L3MBTL3: variants seen among roughly 807,000 people sequenced by gnomAD.
L3MBTL3 encodes the protein L3MBTL histone methyl-lysine binding protein 3, also known as lethal(3)malignant brain tumor-like protein 3.
L3MBTL3 carries 27 observed loss-of-function variants against 102.3 expected under a neutral mutation model. The ratio of observed to expected loss-of-function variants is 0.26; its 90% CI spans 0.19 to 0.36. L3MBTL3 has a LOEUF of 0.36. Among genes scored for constraint, L3MBTL3 ranks in the 10% least tolerant of loss-of-function variants. The pLI is 1.00. For missense variants in L3MBTL3, 798 were observed against 955.3 expected, an observed-to-expected ratio of 0.84 and a Z score of 2.17; for synonymous variants, 340 against 320.9, an observed-to-expected ratio of 1.06 and a Z score of -0.64.
At chr6:130,047,639 G>A (rs907386410) in intron 3 of L3MBTL3, among the ~76,000 whole-genome samples, 2 of 152,142 alleles carry the variant, frequency 1.3e-5, no homozygotes, top group African/African-American at 4.8e-5. Flanking sequence ...ATTACCTGAA[G>A]TGCATTGTCA....
At chr6:130,134,764 A>T (rs957611136) in intron 22 of L3MBTL3, among the ~76,000 whole-genome samples, 1 of 152,178 alleles carries the variant, frequency 6.6e-6, no homozygotes, top group Non-Finnish European at 1.5e-5. Flanking sequence ...GTTTGCCCCT[A>T]TGTGTAAAGC....
At chr6:130,093,178 G>C (rs1469276261) in intron 17 of L3MBTL3, among the ~76,000 whole-genome samples, 13 of 152,096 alleles carry the variant, frequency 8.5e-5, no homozygotes, top group Admixed American at 8.5e-4. Context: ...TTAGTATTCT[G>C]ATAGTAATTT....
At chr6:130,118,591 G>A (rs1422712953) in intron 19 of L3MBTL3, among the ~76,000 whole-genome samples, 1 of 152,140 alleles carries the variant, frequency 6.6e-6, no homozygotes, top group Non-Finnish European at 1.5e-5. Context: ...GAAGGAATTT[G>A]CAGAATCAAT....
intron 19 of L3MBTL3, among the ~76,000 whole-genome samples, chr6:130,120,081 G>T (rs1242476780): frequency 1.3e-5 from 2 of 152,140 alleles, no homozygotes; most frequent in Non-Finnish European, 2.9e-5. Flanking sequence ...CATAAACACA[G>T]AATACTATAA....
chr6:130,118,859 T>G (rs1254326686), intron 19 of L3MBTL3, among the ~76,000 whole-genome samples: 2 of 152,328 alleles, frequency 1.3e-5, no homozygotes, highest in Non-Finnish European at 2.9e-5. Flanking sequence ...GGAAATTTTT[T>G]GGGTCAAAGA....
chr6:130,106,813 A>C (rs1174506614), intron 19 of L3MBTL3, among the ~76,000 whole-genome samples: 1 of 152,230 alleles, frequency 6.6e-6, no homozygotes, highest in Non-Finnish European at 1.5e-5. Context: ...CTTTGAGTGT[A>C]ACCCAAGGCT....
chr6:130,111,143 A>G (rs1292671323), intron 19 of L3MBTL3, among the ~76,000 whole-genome samples: 1 of 152,216 alleles, frequency 6.6e-6, no homozygotes, highest in Non-Finnish European at 1.5e-5. Context: ...TAGTAGGTCA[A>G]GAAAATATCA....
chr6:130,019,850 C>T (rs1778830678), intron 1 of L3MBTL3, among the ~76,000 whole-genome samples: 1 of 145,130 alleles, frequency 6.9e-6, no homozygotes, highest in South Asian at 2.1e-4. Flanking sequence ...CCCGCGGCGG[C>T]CGTCCGCGCG....
intron 3 of L3MBTL3, among the ~76,000 whole-genome samples, chr6:130,046,369 A>T (rs1157418954): frequency 1.3e-5 from 2 of 152,218 alleles, no homozygotes; most frequent in Non-Finnish European, 2.9e-5. Context: ...CTTAAAACAC[A>T]CTGGTAAGTC....
chr6:130,117,456 T>G (rs941306064), intron 19 of L3MBTL3, among the ~76,000 whole-genome samples: 1 of 152,106 alleles, frequency 6.6e-6, no homozygotes, highest in African/African-American at 2.4e-5. Flanking sequence ...TTTACTCTGC[T>G]CCAGAGTGTA....
At chr6:130,116,127 G>C (rs899844125) in intron 19 of L3MBTL3, among the ~76,000 whole-genome samples, 2 of 145,258 alleles carry the variant, frequency 1.4e-5, no homozygotes, top group Admixed American at 6.9e-5. Context: ...TTGAAGAAAG[G>C]TTAGTTAAAG....
intron 15 of L3MBTL3, 101 bp downstream of exon 15, chr6:130,083,806 G>T: frequency 3.9e-6 from 2 of 513,084 alleles, no homozygotes; most frequent in Non-Finnish European, 7.0e-6. Context: ...ATAGGAATGA[G>T]AAAAAAATAG....
At chr6:130,078,750 T>A in intron 14 of L3MBTL3, 116 bp downstream of exon 14, 1 of 645,220 alleles carries the variant, frequency 1.5e-6, no homozygotes. Context: ...CAGTTTTCTG[T>A]CACCACTACT....
intron 20 of L3MBTL3, among the ~76,000 whole-genome samples, chr6:130,123,441 G>C (rs1786378241): frequency 6.6e-6 from 1 of 152,086 alleles, no homozygotes; most frequent in Non-Finnish European, 1.5e-5. Flanking sequence ...TAGTGAAAGA[G>C]AGCTTCATAA....
At chr6:130,130,482 T>C (rs1442274507) in intron 20 of L3MBTL3, among the ~76,000 whole-genome samples, 3 of 152,286 alleles carry the variant, frequency 2.0e-5, no homozygotes, top group African/African-American at 7.2e-5. Context: ...TCTTATAAAA[T>C]ATGTACAAAT....
intron 18 of L3MBTL3, among the ~76,000 whole-genome samples, chr6:130,097,378 A>G (rs1303026287): frequency 2.6e-5 from 4 of 152,230 alleles, no homozygotes; most frequent in Non-Finnish European, 5.9e-5. Flanking sequence ...CATAGATAAC[A>G]AAGAAAGTTG....
chr6:130,097,888 A>G (rs964007835), intron 18 of L3MBTL3, among the ~76,000 whole-genome samples: 11 of 152,100 alleles, frequency 7.2e-5, no homozygotes, highest in African/African-American at 2.7e-4. Context: ...ACCAACGTGA[A>G]GAAACCCCAT....
In L3MBTL3 at chr6:130,068,802, G is replaced by A. The variant is rs1414110137; in HGVS notation, c.1092+381G>A. On this transcript the variant is annotated intron_variant, in intron 12 of 22. Coordinates refer to ENST00000361794, the MANE Select transcript of L3MBTL3 (RefSeq NM_032438.4). The stretch of plus-strand genomic sequence containing the variant: ...CCCTGTTTCAGTTTACATGTAGGAG[G>A]TCACTGGAGACTGTGACATATCTTC... Among the ~76,000 whole-genome samples, 10 of 152,098 alleles carry A rather than the reference G, an allele frequency of 6.6e-5. No homozygotes were observed. In the East Asian group the frequency reaches 1.5e-3, roughly 23 times the overall value.
At position 130,094,279 on chromosome 6, in the gene L3MBTL3, A is replaced by G. The variant is rs758934574; in HGVS notation, c.1648A>G (p.Met550Val). ...LQPPLSPLEL[M>V]EASEHGGCST... ...CTCTTTCATAGGCCCCTTAGAATTA[A>G]TGGAAGCTTCAGAACATGGTGGATG... The change falls in exon 18 of 23, where the codon ATG becomes GTG. Residue 550 changes from methionine (M) to valine (V), a missense_variant. By Grantham distance (21) the Met-to-Val change is conservative. Transcript: ENST00000361794. The G allele has an allele frequency of 1.2e-6, 2 of 1,613,500 alleles. No individual in the cohort carries two copies. Among genetic ancestry groups the G allele is most frequent in the Non-Finnish European group, 1.7e-6 (2 of 1,179,644 alleles).
Sources: gnomAD v4.1 joint callset for allele counts (sites outside exome capture counted in the v4.1 genomes callset) on GRCh38, gnomAD v4.1.1 for gene constraint, MANE v1.5 for transcripts, NCBI Gene and HGNC (gene_info 2026-07-23, HGNC 2026-07-21) for gene names.